DNAI7: variants seen among roughly 807,000 people sequenced by gnomAD.
The protein encoded by DNAI7 is dynein axonemal intermediate chain 7, also known as cancer susceptibility 1.
A neutral mutation model predicts 86.6 loss-of-function variants in DNAI7; 78 were observed. That is an observed-to-expected ratio of 0.90 (90% CI 0.75 to 1.09). The LOEUF (loss-of-function observed/expected upper bound fraction) is 1.09, where lower values mean the gene tolerates loss of function less well. Among genes scored for constraint, DNAI7 ranks in the 50% least tolerant of loss-of-function variants. The pLI, the probability that DNAI7 is intolerant of heterozygous loss-of-function variation, is 0.00. For synonymous variants in DNAI7, 274 were observed against 273.0 expected, an observed-to-expected ratio of 1.00 and a Z score of -0.04; for missense variants, 753 against 810.2, an observed-to-expected ratio of 0.93 and a Z score of 0.86.
chr12:25,190,144 T>C (rs758705358), intron 2 of DNAI7, among the ~76,000 whole-genome samples: 3 of 152,162 alleles, frequency 2.0e-5, no homozygotes, highest in Non-Finnish European at 4.4e-5. Flanking sequence ...GCATATAGAA[T>C]GGTACATTGT....
intron 4 of DNAI7, among the ~76,000 whole-genome samples, chr12:25,157,266 A>G (rs1409426278): frequency 7.6e-6 from 1 of 132,142 alleles, no homozygotes; most frequent in Non-Finnish European, 1.6e-5. Flanking sequence ...CGACAGAGAG[A>G]GACTCCGTCT....
chr12:25,113,938 G>A (rs1331087819), intron 13 of DNAI7, among the ~76,000 whole-genome samples: 2 of 82,834 alleles, frequency 2.4e-5, no homozygotes, highest in Non-Finnish European at 4.4e-5. Context: ...TTCTTTCTGG[G>A]TTTTTTTTTT....
intron 2 of DNAI7, among the ~76,000 whole-genome samples, chr12:25,172,183 T>C (rs974552722): frequency 1.3e-5 from 2 of 152,140 alleles, no homozygotes; most frequent in Non-Finnish European, 2.9e-5. Context: ...TGTCACTGTT[T>C]GCTGGCAATA....
At chr12:25,154,707 T>C (rs1945951565) in intron 5 of DNAI7, among the ~76,000 whole-genome samples, 1 of 152,216 alleles carries the variant, frequency 6.6e-6, no homozygotes, top group South Asian at 2.1e-4. Context: ...TAAAGCATTA[T>C]TTATAAGTAG....
At chr12:25,109,531 T>G (rs925143774) in intron 15 of DNAI7, among the ~76,000 whole-genome samples, 1 of 149,502 alleles carries the variant, frequency 6.7e-6, no homozygotes, top group African/African-American at 2.5e-5. Context: ...GGATTACAGG[T>G]GGGAGCCACT....
rs146748378 is a variant in DNAI7, at chr12:25,117,536, A to G, written c.1396+1609T>C. On this transcript the variant is annotated intron_variant, in intron 12 of 15. Transcript: ENST00000395987. ...TTAAAAACAAAGGTGTACTCCTCTC[A>G]TCTAGGATCCTTAAAATGGCATACA... is the stretch of plus-strand genomic sequence containing the variant. Among the ~76,000 whole-genome samples, 305 of 152,264 alleles carry G rather than the reference A, an allele frequency of 2.0e-3. 2 individuals carry two copies. The highest frequency in any genetic ancestry group is 7.0e-3 in the African/African-American group (291 of 41,548).
At chr12:25,147,480 C>CCCA (rs1555170107) in intron 7 of DNAI7, among the ~76,000 whole-genome samples, 15 of 150,362 alleles carry the variant, frequency 1.0e-4, no homozygotes, top group Non-Finnish European at 1.6e-4. Context: ...AATGAGACCA[C>CCCA]CCCCATCTCT....
intron 9 of DNAI7, among the ~76,000 whole-genome samples, chr12:25,138,793 G>A (rs1943842357): frequency 1.3e-5 from 1 of 76,552 alleles, no homozygotes; most frequent in Non-Finnish European, 3.8e-5. Context: ...CACACCTCAA[G>A]GAACTAGAGA....
chr12:25,187,289 C>CATATAATAT (rs1950119182), intron 2 of DNAI7, among the ~76,000 whole-genome samples: 1 of 152,124 alleles, frequency 6.6e-6, no homozygotes, highest in Non-Finnish European at 1.5e-5. Context: ...TATACTCATT[C>CATATAATAT]CCCCAGGTAA....
chr12:25,129,165 G>A (rs990664793), intron 9 of DNAI7, among the ~76,000 whole-genome samples: 6 of 152,138 alleles, frequency 3.9e-5, no homozygotes, highest in African/African-American at 1.2e-4. Flanking sequence ...TCTGGGTCTC[G>A]GCTAAATAAT....
intron 1 of DNAI7, among the ~76,000 whole-genome samples, chr12:25,193,150 A>G (rs1274555435): frequency 2.1e-5 from 3 of 145,178 alleles, no homozygotes; most frequent in African/African-American, 7.7e-5. Context: ...TCTCAAAAAG[A>G]AAAAAAAAAA....
At chr12:25,117,973 G>A (rs1940500140) in intron 12 of DNAI7, among the ~76,000 whole-genome samples, 1 of 137,090 alleles carries the variant, frequency 7.3e-6, no homozygotes, top group African/African-American at 2.7e-5. Context: ...AGGGAGTCTC[G>A]CTCTGCCTGG....
intron 9 of DNAI7, 55 bp downstream of exon 9, chr12:25,144,310 T>C (rs1592386911): frequency 1.4e-6 from 2 of 1,410,994 alleles, no homozygotes; most frequent in East Asian, 4.6e-5. Context: ...TTTAAGGGAA[T>C]CTAATAACGC....
At chr12:25,128,315 T>C (rs1234788457) in intron 9 of DNAI7, among the ~76,000 whole-genome samples, 1 of 152,192 alleles carries the variant, frequency 6.6e-6, no homozygotes, top group Non-Finnish European at 1.5e-5. Flanking sequence ...GAATTGAAAA[T>C]GAATTTTGAA....
intron 2 of DNAI7, among the ~76,000 whole-genome samples, chr12:25,166,777 A>G (rs1242547868): frequency 8.5e-5 from 13 of 152,082 alleles, no homozygotes; most frequent in Admixed American, 8.5e-4. Context: ...CCTAGCCCTC[A>G]TGTCTGCATG....
chr12:25,135,495 G>A (rs112729183), intron 9 of DNAI7, among the ~76,000 whole-genome samples: 4,969 of 152,232 alleles, frequency 0.033, 155 homozygotes, highest in Non-Finnish European at 0.048. Flanking sequence ...GGGATGGGGG[G>A]CGGTGGGAAA....
chr12:25,186,386 C>A (rs1453605250), intron 2 of DNAI7, among the ~76,000 whole-genome samples: 4 of 152,000 alleles, frequency 2.6e-5, no homozygotes, highest in Non-Finnish European at 5.9e-5. Context: ...TAGTCTGGTA[C>A]CAAAACATTA....
At chr12:25,114,916 A>T (rs1234264596) in intron 12 of DNAI7, 46 bp from the exon 13 acceptor site, 1 of 1,432,636 alleles carries the variant, frequency 7.0e-7, no homozygotes, top group Non-Finnish European at 9.7e-7. Context: ...TTTTTTCCCT[A>T]TTAAAAAAAG....
At chr12:25,155,523 A>G in intron 4 of DNAI7, 111 bp from the exon 5 acceptor site, 1 of 518,248 alleles carries the variant, frequency 1.9e-6, no homozygotes, top group East Asian at 3.2e-5. Flanking sequence ...TTCAAAATGA[A>G]TATTAAAATT....
Sources: allele counts gnomAD v4.1 joint callset (sites outside exome capture counted in the v4.1 genomes callset), GRCh38; gene constraint gnomAD v4.1.1; transcripts MANE v1.5; gene names NCBI Gene and HGNC (gene_info 2026-07-23, HGNC 2026-07-21).